The following OSR2 variants were observed in gnomAD, a reference collection of about 807,000 sequenced individuals.
OSR2 encodes the protein protein odd-skipped-related 2.
In OSR2, 8 loss-of-function variants were observed where a neutral mutation model predicts 22.3. The ratio of observed to expected loss-of-function variants is 0.36; its 90% CI spans 0.21 to 0.65. The LOEUF (loss-of-function observed/expected upper bound fraction) is 0.65, where lower values mean the gene tolerates loss of function less well. Among genes scored for constraint, OSR2 ranks in the 30% least tolerant of loss-of-function variants. The probability of loss-of-function intolerance (pLI) is 0.66; values close to 1 mark genes in which losing one functional copy is unlikely to be tolerated. For synonymous variants in OSR2, 179 were observed against 173.8 expected (o/e 1.03, Z -0.23); for missense variants, 311 against 413.4 (o/e 0.75, Z 2.15).
In OSR2 at chr8:98,949,270, C is replaced by T. The variant is rs1353074095; in HGVS notation, c.318C>T (p.Leu106=). 1.9e-6 allele frequency: 3 copies of T among 1,612,576 alleles called. No individual in the cohort carries two copies. Among genetic ancestry groups the T allele is most frequent in the Non-Finnish European group, 2.5e-6 (3 of 1,178,936 alleles). The change falls in exon 2 of 4, where the codon CTC becomes CTT. Residue 106 remains leucine (L), a synonymous_variant. Transcript: ENST00000297565. The surrounding 1 kb of genome is among the most constrained non-coding windows in gnomAD (Gnocchi z 5.9). The part of the protein sequence containing the change: ...HPKQGAIAHV[L]PALHKDRPRF... ...AGCAGGGGGCCATTGCCCACGTCCT[C>T]CCAGCCCTGCACAAGGACCGGCCCC... is the stretch of plus-strand genomic sequence containing the variant.
chr8:98,948,201 G>C lies in OSR2; in HGVS notation c.-114-638G>C, dbSNP rs1197484688. ...GGGCTGAGGGCAGAGGAAGGAAAAA[G>C]AAAACCTCCGAGGTCAGTGCGGGGC... On this transcript the variant is annotated intron_variant, in intron 1 of 3. Transcript: ENST00000297565. The surrounding 1 kb of genome is among the most constrained non-coding windows in gnomAD (Gnocchi z 6.0). 7.1e-7 allele frequency: 1 copy of C among 1,413,418 alleles called. No homozygotes were observed. Among genetic ancestry groups the C allele is most frequent in the East Asian group, 2.8e-5 (1 of 35,836 alleles). 87.6% of individuals were successfully genotyped at this position (1,413,418 alleles called of 1,614,324 possible). A position where few individuals can be genotyped will look rare whatever the true frequency, so the allele number is the denominator to read the frequency against.
At chr8:98,947,356 A>G (rs968833565) in intron 1 of OSR2, among the ~76,000 whole-genome samples, 1 of 151,136 alleles carries the variant, frequency 6.6e-6, no homozygotes, top group Non-Finnish European at 1.5e-5. Flanking sequence ...ATGGAACCAT[A>G]GGCAATACTT....
Position 98,949,616 on chromosome 8 carries a change from G to A in OSR2, c.656+8G>A, listed in dbSNP as rs752923643. ...TCACCTGCGGGATCACAGGTGAGGCGGGCAAGGAGGATGGCTGGGAGAGGG... is the reference window on the plus strand; with the variant it reads ...TCACCTGCGGGATCACAGGTGAGGCAGGCAAGGAGGATGGCTGGGAGAGGG... On this transcript the variant is annotated splice_region_variant and intron_variant, in intron 2 of 3. Transcript: ENST00000297565. This position sits in a 1 kb window ranked among gnomAD's most constrained non-coding sequence, Gnocchi z 5.9. The A allele has an allele frequency of 1.9e-5, 31 of 1,601,320 alleles. No homozygotes were observed. The East Asian group carries it at 6.0e-4, about 31-fold the overall frequency.
Position 98,949,153 on chromosome 8 carries a change from C to T in OSR2, c.201C>T (p.Ser67=), listed in dbSNP as rs1171352737. 2 of 1,612,248 alleles carry T rather than the reference C, an allele frequency of 1.2e-6. No homozygotes were observed. Among genetic ancestry groups the T allele is most frequent in the Non-Finnish European group, 1.7e-6 (2 of 1,179,028 alleles). Residue 67 remains serine, a synonymous_variant, in exon 2 of 4, where the codon TCC becomes TCT. Coordinates refer to ENST00000297565, the MANE Select transcript of OSR2 (RefSeq NM_001142462.3). This position sits in a 1 kb window ranked among gnomAD's most constrained non-coding sequence, Gnocchi z 5.9. ...CCAATGTGCACGAGATCACCCGCTC[C>T]ACCATCACGGAGATGGCGGCGGCGC... ...GYPNVHEITR[S]TITEMAAAQG...
chr8:98,945,273 G>A (rs990410928), intron 1 of OSR2, among the ~76,000 whole-genome samples: 1 of 152,248 alleles, frequency 6.6e-6, no homozygotes, highest in African/African-American at 2.4e-5. Flanking sequence ...GAGGGAAATA[G>A]TTCAGTCCTC....
intron 1 of OSR2, chr8:98,946,268 A>G (rs1229890477): frequency 6.6e-6 from 1 of 152,264 alleles, no homozygotes; most frequent in East Asian, 1.9e-4. Flanking sequence ...GCAGATGATG[A>G]TCGCTGTTAT....
chr8:98,947,919 T>C (rs1312702314), intron 1 of OSR2, among the ~76,000 whole-genome samples: 1 of 151,878 alleles, frequency 6.6e-6, no homozygotes, highest in African/African-American at 2.4e-5. Flanking sequence ...GATGTAGGGG[T>C]CGCTCCTCGG....
rs1346537198 is a variant in OSR2 at position 98,951,690 on chromosome 8, C to A, written c.928C>A (p.Gln310Lys). Residue 310 changes from glutamine (Q) to lysine (K), a missense_variant, in exon 4 of 4, where the codon CAG becomes AAG. Physicochemically the swap from Gln to Lys is moderately conservative, Grantham distance 53. This residue lies in a region of OSR2 where 70 missense variants were observed against 84.5 expected (regional missense o/e 0.83). Transcript: ENST00000297565. The stretch of plus-strand genomic sequence containing the variant: ...GCACAGCCTGACTCACACCCCGCGG[C>A]AGGACTTCTAGAGAAGCCCAGGATC... ...RRHSLTHTPR[Q>K]DF The A allele has an allele frequency of 6.2e-7, 1 of 1,612,878 alleles. No homozygotes were observed. The highest frequency in any genetic ancestry group is 8.5e-7 in the Non-Finnish European group (1 of 1,179,574).
chr8:98,947,470 G>A (rs1564123145), intron 1 of OSR2, among the ~76,000 whole-genome samples: 1 of 152,308 alleles, frequency 6.6e-6, no homozygotes, highest in East Asian at 1.9e-4. Flanking sequence ...GCCAGGCTTG[G>A]CGGTTGGTGG....
chr8:98,950,999 T>C, intron 3 of OSR2: 2 of 596,468 alleles, frequency 3.4e-6, no homozygotes, highest in East Asian at 2.8e-5. Flanking sequence ...TTAGAATTTT[T>C]TTCATCCAAT....
chr8:98,950,647 G>A lies in OSR2; in HGVS notation c.657-9G>A. The A allele has an allele frequency of 6.3e-7, 1 of 1,582,620 alleles. No homozygotes were observed. The highest frequency in any genetic ancestry group is 8.7e-7 in the Non-Finnish European group (1 of 1,154,494). On this transcript the variant is annotated splice_polypyrimidine_tract_variant and intron_variant, in intron 2 of 3. Transcript: ENST00000297565. The stretch of plus-strand genomic sequence containing the variant: ...AGTTATTTCAATGAAACCTTATATT[G>A]ATTTTCAGATACATCCATTCCAAAG...
chr8:98,948,600 T>C lies in OSR2; in HGVS notation c.-114-239T>C, dbSNP rs527264010. ...TCTGCCTAGAGTCTGAATCCGACTTTCTTTCCTTTGGGCACGCGCTCGCCA... is the reference window on the plus strand; with the variant it reads ...TCTGCCTAGAGTCTGAATCCGACTTCCTTTCCTTTGGGCACGCGCTCGCCA... On this transcript the variant is annotated intron_variant, in intron 1 of 3. Coordinates refer to ENST00000297565, the MANE Select transcript of OSR2 (RefSeq NM_001142462.3). The surrounding 1 kb of genome is among the most constrained non-coding windows in gnomAD (Gnocchi z 6.0). The C allele has an allele frequency of 2.6e-4, 277 of 1,069,278 alleles. 2 individuals are homozygous for C. The South Asian group carries it at 4.5e-3, about 18-fold the overall frequency. The allele number at this position is 1,069,278 out of a possible 1,614,324, so 66.2% of individuals were successfully genotyped here. A position where few individuals can be genotyped will look rare whatever the true frequency, so the allele number is the denominator to read the frequency against.
chr8:98,949,630 G>T lies in OSR2; in HGVS notation c.656+22G>T, dbSNP rs1840725470. ...ACAGGTGAGGCGGGCAAGGAGGATG[G>T]CTGGGAGAGGGAAAGCGAATTTGTC... On this transcript the variant is annotated intron_variant, in intron 2 of 3. Coordinates refer to ENST00000297565, the MANE Select transcript of OSR2 (RefSeq NM_001142462.3). This position sits in a 1 kb window ranked among gnomAD's most constrained non-coding sequence, Gnocchi z 5.9. The T allele has an allele frequency of 1.3e-6, 2 of 1,591,552 alleles. No homozygotes were observed. Among genetic ancestry groups the T allele is most frequent in the Non-Finnish European group, 1.7e-6 (2 of 1,167,450 alleles).
At chr8:98,951,453 A>C in intron 3 of OSR2, 66 bp from the exon 4 acceptor site, 1 of 1,426,694 alleles carries the variant, frequency 7.0e-7, no homozygotes. Flanking sequence ...ATAAGACAGA[A>C]ACTATTGAAA....
At chr8:98,945,804 C>G (rs908402694) in intron 1 of OSR2, among the ~76,000 whole-genome samples, 3 of 152,154 alleles carry the variant, frequency 2.0e-5, no homozygotes, top group Admixed American at 2.0e-4. Flanking sequence ...TCTACTTAGT[C>G]TATAGCTCTC....
intron 3 of OSR2, 141 bp from the exon 4 acceptor site, chr8:98,951,378 G>A: frequency 1.3e-6 from 1 of 797,838 alleles, no homozygotes. Flanking sequence ...TAGGAGCACG[G>A]ATTTGTTCCT....
chr8:98,948,683 C>A lies in OSR2; in HGVS notation c.-114-156C>A. On this transcript the variant is annotated intron_variant, in intron 1 of 3. Transcript: ENST00000297565. This position sits in a 1 kb window ranked among gnomAD's most constrained non-coding sequence, Gnocchi z 6.0. Reference sequence around the variant, plus strand: ...TCTGCACGCGGACTTGAGCAGGTGCCAAGGTGCCACGCAGTCCCCTCACGG... The same window carrying A: ...TCTGCACGCGGACTTGAGCAGGTGCAAAGGTGCCACGCAGTCCCCTCACGG... 1 of 1,050,632 alleles carries A rather than the reference C, an allele frequency of 9.5e-7. No homozygotes were observed. Among genetic ancestry groups the A allele is most frequent in the Non-Finnish European group, 1.3e-6 (1 of 749,384 alleles). 65.1% of individuals were successfully genotyped at this position (1,050,632 alleles called of 1,614,324 possible). A position where few individuals can be genotyped will look rare whatever the true frequency, so the allele number is the denominator to read the frequency against.
Position 98,948,881 on chromosome 8 carries a change from G to T in OSR2, c.-72G>T. On this transcript the variant is annotated 5_prime_UTR_variant, in exon 2 of 4. Coordinates refer to ENST00000297565, the MANE Select transcript of OSR2 (RefSeq NM_001142462.3). This position sits in a 1 kb window ranked among gnomAD's most constrained non-coding sequence, Gnocchi z 6.0. ...GTTGTCTCACTGGGTTTTTGTCGGA[G>T]CCCCACGCCCTCCGGCCTCTGATTC... 6.2e-7 allele frequency: 1 copy of T among 1,612,078 alleles called. No individual in the cohort carries two copies. Among genetic ancestry groups the T allele is most frequent in the Non-Finnish European group, 8.5e-7 (1 of 1,179,572 alleles).
chr8:98,946,023 T>A (rs1840603916), intron 1 of OSR2: 1 of 152,214 alleles, frequency 6.6e-6, no homozygotes, highest in Non-Finnish European at 1.5e-5. Flanking sequence ...TCTCCAATGT[T>A]TTGAAAGCTT....
Sources: allele counts gnomAD v4.1 joint callset (sites outside exome capture counted in the v4.1 genomes callset), GRCh38; gene constraint gnomAD v4.1.1; regional missense constraint gnomAD v4.1.1; non-coding constraint Gnocchi (gnomAD v3.1); transcripts MANE v1.5; gene names NCBI Gene and HGNC (gene_info 2026-07-23, HGNC 2026-07-21).